Variants in RBM5 observed in about 807,000 individuals in gnomAD.
RBM5 encodes the protein RNA binding motif protein 5, also known as RNA-binding protein 5.
RBM5 carries 15 observed loss-of-function variants against 124.6 expected under a neutral mutation model. The ratio of observed to expected loss-of-function variants is 0.12; its 90% CI spans 0.08 to 0.19. RBM5 has a LOEUF of 0.19. Ranked by LOEUF, RBM5 falls within the 10% of genes least tolerant of loss-of-function variation. RBM5 has a pLI of 1.00. For missense variants in RBM5, 580 were observed against 1,026.5 expected, an observed-to-expected ratio of 0.57 and a Z score of 5.94; for synonymous variants, 337 against 361.2, an observed-to-expected ratio of 0.93 and a Z score of 0.76.
intron 4 of RBM5, among the ~76,000 whole-genome samples, chr3:50,097,425 T>C (rs1020590986): frequency 6.6e-6 from 1 of 151,376 alleles, no homozygotes; most frequent in Non-Finnish European, 1.5e-5. Flanking sequence ...GCTACAAGTA[T>C]TGATTTGAGT....
Position 50,118,331 on chromosome 3 carries a change from G to T in RBM5, c.2323G>T (p.Ala775Ser). 1 of 1,614,078 alleles carries T rather than the reference G, an allele frequency of 6.2e-7. No individual in the cohort carries two copies. Residue 775 changes from alanine (A) to serine (S), a missense_variant and splice_region_variant, in exon 25 of 25, where the codon GCT (alanine) becomes TCT (serine). Around this residue, in one of 6 missense-constraint regions of RBM5, gnomAD observed 234 missense variants for 435.1 expected, o/e 0.54. Coordinates refer to ENST00000347869, the MANE Select transcript of RBM5 (RefSeq NM_005778.4). ...KCQGITAPIE[A>S]QVRLKGAGLG... ...GCTGACAGTCTCTGTGCTTTCCCAG[G>T]CTCAAGTTCGGCTAAAGGGAGCTGG...
At chr3:50,089,615 C>T (rs1343238333) in intron 1 of RBM5, among the ~76,000 whole-genome samples, 1 of 152,258 alleles carries the variant, frequency 6.6e-6, no homozygotes, top group Non-Finnish European at 1.5e-5. Context: ...TGTTTCCCCC[C>T]AGTGGTTCTT....
intron 22 of RBM5, 111 bp from the exon 23 acceptor site, chr3:50,116,963 A>C (rs957959480): frequency 1.0e-6 from 1 of 967,928 alleles, no homozygotes. Flanking sequence ...GTCTAAAAAA[A>C]GCATTCTTCA....
At position 50,115,948 on chromosome 3, in the gene RBM5, G is replaced by C. The variant is rs1314438085; in HGVS notation, c.2062G>C (p.Glu688Gln). 6 of 1,613,926 alleles carry C rather than the reference G, an allele frequency of 3.7e-6. No individual in the cohort carries two copies. The highest frequency in any genetic ancestry group is 4.2e-6 in the Non-Finnish European group (5 of 1,179,886). Residue 688 changes from glutamate to glutamine, a missense_variant, in exon 22 of 25, where the codon GAG (glutamate) becomes CAG (glutamine). By Grantham distance (29) the Glu-to-Gln change is conservative. Coordinates refer to ENST00000347869, the MANE Select transcript of RBM5 (RefSeq NM_005778.4). Reference protein sequence around the residue: ...IYRRSRLSEQELEALELRERE... With the variant: ...IYRRSRLSEQQLEALELRERE... ...TCGACGATCCAGGCTGAGCGAGCAG[G>C]AGCTGGAAGCCTTGGAGCTAAGGGA...
chr3:50,100,401 A>C lies in RBM5; in HGVS notation c.410-131A>C. The C allele has an allele frequency of 1.3e-6, 1 of 750,502 alleles. No homozygotes were observed. The highest frequency in any genetic ancestry group is 2.2e-6 in the Non-Finnish European group (1 of 454,466). The allele number at this position is 750,502 out of a possible 1,614,324, so 46.5% of individuals were successfully genotyped here. ...AAAGTATCAAGAAGATCCCCAAGTC[A>C]AGTCACATTTGTAAAGCTGCTTCCC... On this transcript the variant is annotated intron_variant, in intron 5 of 24. Transcript: ENST00000347869. The surrounding 1 kb of genome is among the most constrained non-coding windows in gnomAD (Gnocchi z 5.1).
chr3:50,105,007 G>T, intron 8 of RBM5, 70 bp from the exon 9 acceptor site: 3 of 1,193,268 alleles, frequency 2.5e-6, no homozygotes, highest in Admixed American at 1.9e-5. Context: ...AACTTGTGGG[G>T]ATTTTAATGT....
At chr3:50,112,236 C>G (rs971840340) in intron 17 of RBM5, 2 of 142,594 alleles carry the variant, frequency 1.4e-5, no homozygotes, top group Admixed American at 7.0e-5. Context: ...AACCCCGTCT[C>G]TACTAAAAAA....
Position 50,114,119 on chromosome 3 carries a change from G to A in RBM5, c.1767+20G>A. On this transcript the variant is annotated intron_variant, in intron 19 of 24. Transcript: ENST00000347869. ...AAGAAGGTAATAGCAGGAATGGCCA[G>A]TATGTCATGATGGGAACTTACCTAA... is the stretch of plus-strand genomic sequence containing the variant. The A allele has an allele frequency of 6.2e-7, 1 of 1,614,162 alleles. No individual in the cohort carries two copies. The highest frequency in any genetic ancestry group is 8.5e-7 in the Non-Finnish European group (1 of 1,180,016).
chr3:50,104,511 C>T (rs2090996246), intron 8 of RBM5: 1 of 547,254 alleles, frequency 1.8e-6, no homozygotes, highest in Non-Finnish European at 3.3e-6. Context: ...GGTGTGGTGG[C>T]ACACACCTGT....
Position 50,103,132 on chromosome 3 carries a change from C to T in RBM5, c.533C>T (p.Pro178Leu). The T allele has an allele frequency of 6.2e-7, 1 of 1,612,704 alleles. No individual in the cohort carries two copies. The highest frequency in any genetic ancestry group is 8.5e-7 in the Non-Finnish European group (1 of 1,178,768). Reference sequence around the variant, plus strand: ...CACATTGCAATGCATTATAGCAATCCCAGACCTAAGTTTGAAGATTGGCTT... The same window carrying T: ...CACATTGCAATGCATTATAGCAATCTCAGACCTAAGTTTGAAGATTGGCTT... ...GKHIAMHYSN[P>L]RPKFEDWLCN... The change falls in exon 7 of 25, where the codon CCC (proline) becomes CTC (leucine). Residue 178 changes from proline (P) to leucine (L), a missense_variant. By Grantham distance (98) the Pro-to-Leu change is moderately conservative. Around this residue, in one of 6 missense-constraint regions of RBM5, gnomAD observed 101 missense variants for 223.2 expected, o/e 0.45. Transcript: ENST00000347869.
At chr3:50,104,556 T>C (rs2090996839) in intron 8 of RBM5, 4 of 449,248 alleles carry the variant, frequency 8.9e-6, no homozygotes, top group Admixed American at 7.4e-5. Context: ...GGTGAGAGGA[T>C]TGCTTGAGTC....
chr3:50,118,206 C>G, intron 24 of RBM5, 125 bp from the exon 25 acceptor site: 1 of 1,309,564 alleles, frequency 7.6e-7, no homozygotes, highest in Non-Finnish European at 1.0e-6. Context: ...AAATCCTTGT[C>G]TTCATATACA....
At chr3:50,094,068 C>T in intron 4 of RBM5, 193 bp downstream of exon 4, 1 of 502,506 alleles carries the variant, frequency 2.0e-6, no homozygotes, top group East Asian at 3.0e-5. Context: ...TAAACATTTG[C>T]ATTTACATAA....
In RBM5 at chr3:50,099,972, C is replaced by A. The variant is rs1405797009; in HGVS notation, c.340-10C>A. The stretch of plus-strand genomic sequence containing the variant: ...AGCTTTAACTGTAAATAATGTAAAA[C>A]CCTGTGCAGATTCGAGAAATGATGG... On this transcript the variant is annotated splice_polypyrimidine_tract_variant and intron_variant, in intron 4 of 24. Transcript: ENST00000347869. 5.6e-6 allele frequency: 9 copies of A among 1,612,174 alleles called. No individual in the cohort carries two copies. The highest frequency in any genetic ancestry group is 7.6e-6 in the Non-Finnish European group (9 of 1,179,128).
At chr3:50,092,352 A>T in intron 3 of RBM5, 144 bp downstream of exon 3, 1 of 843,108 alleles carries the variant, frequency 1.2e-6, no homozygotes, top group Non-Finnish European at 1.8e-6. Context: ...ACTTGAGGTC[A>T]GGAGTTTAAG....
intron 4 of RBM5, among the ~76,000 whole-genome samples, chr3:50,095,053 C>T (rs2090785001): frequency 2.0e-5 from 3 of 152,056 alleles, no homozygotes; most frequent in Non-Finnish European, 2.9e-5. Flanking sequence ...CAAGAATTAG[C>T]TAGGTGTGGT....
chr3:50,105,837 T>G, intron 10 of RBM5, 128 bp downstream of exon 10: 4 of 995,854 alleles, frequency 4.0e-6, no homozygotes, highest in Non-Finnish European at 4.3e-6. Flanking sequence ...TGACAGTTTT[T>G]GCACTGCTAA....
chr3:50,093,857 C>T lies in RBM5; in HGVS notation c.321C>T (p.Ile107=). The change falls in exon 4 of 25, where the codon ATC becomes ATT. Residue 107 remains isoleucine, a synonymous_variant. Transcript: ENST00000347869. ...SKTIMLRGLP[I]TITESDIREM... The stretch of plus-strand genomic sequence containing the variant: ...CCATCATGCTGCGCGGCCTTCCCAT[C>T]ACCATCACAGAGAGCGATGTAAGGG... 1 of 1,612,412 alleles carries T rather than the reference C, an allele frequency of 6.2e-7. No homozygotes were observed. Among genetic ancestry groups the T allele is most frequent in the Non-Finnish European group, 8.5e-7 (1 of 1,178,612 alleles).
At chr3:50,105,171 C>A in intron 9 of RBM5, 29 bp downstream of exon 9, 2 of 1,529,758 alleles carry the variant, frequency 1.3e-6, no homozygotes, top group Non-Finnish European at 1.8e-6. Flanking sequence ...TTTTGGTCTT[C>A]ATGTTAAAAA....
Sources: allele counts gnomAD v4.1 joint callset (sites outside exome capture counted in the v4.1 genomes callset), GRCh38; gene constraint gnomAD v4.1.1; regional missense constraint gnomAD v4.1.1; non-coding constraint Gnocchi (gnomAD v3.1); transcripts MANE v1.5; gene names NCBI Gene and HGNC (gene_info 2026-07-23, HGNC 2026-07-21).